SBF2: variants seen among roughly 807,000 people sequenced by gnomAD.
SBF2 encodes SET binding factor 2.
In SBF2, 112 loss-of-function variants were observed where a neutral mutation model predicts 225.2. That is an observed-to-expected ratio of 0.50 (90% CI 0.43 to 0.58). The LOEUF (loss-of-function observed/expected upper bound fraction) is 0.58. Ranked by LOEUF, SBF2 falls within the 20% of genes least tolerant of loss-of-function variation. The pLI is 0.00. For missense variants in SBF2, 1,996 were observed against 2,206.2 expected (o/e 0.90, Z 1.91); for synonymous variants, 763 against 773.3 (o/e 0.99, Z 0.22).
In SBF2 at chr11:10,202,469, C is replaced by T. The variant is rs1270332351; in HGVS notation, c.56-8482G>A. Among the ~76,000 whole-genome samples, 4 of 152,202 alleles carry T rather than the reference C, an allele frequency of 2.6e-5. No individual in the cohort carries two copies. The East Asian group carries it at 7.7e-4, about 29-fold the overall frequency. ...CTCTGATCAAAATAATTCAGTAATT[C>T]TCCCACTAGCTATATAATAAAATAG... On this transcript the variant is annotated intron_variant, in intron 1 of 39. Coordinates refer to ENST00000256190, the MANE Select transcript of SBF2 (RefSeq NM_030962.4).
At chr11:9,886,699 G>GGTTTTTTT (rs1554941772) in intron 17 of SBF2, among the ~76,000 whole-genome samples, 1 of 133,740 alleles carries the variant, frequency 7.5e-6, no homozygotes, top group Non-Finnish European at 1.6e-5. Context: ...TGATTCATGT[G>GGTTTTTTT]TTTTTTTTTT....
intron 2 of SBF2, among the ~76,000 whole-genome samples, chr11:10,180,921 T>C (rs1227557983): frequency 1.3e-5 from 2 of 152,144 alleles, no homozygotes; most frequent in Admixed American, 6.5e-5. Flanking sequence ...TAGAACACTG[T>C]GGCTGTCATA....
Position 9,992,548 on chromosome 11 carries a change from G to GA in SBF2, c.1168-6dup. The GA allele has an allele frequency of 6.2e-7, 1 of 1,606,468 alleles. No homozygotes were observed. The stretch of plus-strand genomic sequence containing the variant: ...ACGCTGCCCCAAGAATGCTGTCTGT[G>GA]AAAAAAGAAAATGTGAAATAATAAT... On this transcript the variant is annotated splice_region_variant and splice_polypyrimidine_tract_variant and intron_variant, in intron 11 of 39. Transcript: ENST00000256190.
At chr11:9,844,427 G>C (rs987083202) in intron 24 of SBF2, among the ~76,000 whole-genome samples, 2 of 152,164 alleles carry the variant, frequency 1.3e-5, no homozygotes, top group African/African-American at 4.8e-5. Flanking sequence ...ATGGTTAACA[G>C]TGAATGAAAT....
intron 2 of SBF2, among the ~76,000 whole-genome samples, chr11:10,154,126 C>A (rs956167195): frequency 6.6e-6 from 1 of 151,718 alleles, no homozygotes; most frequent in Non-Finnish European, 1.5e-5. Context: ...TTTGCTCTTA[C>A]TTTTCAAAGT....
At chr11:9,879,481 C>A (rs1859555337) in intron 17 of SBF2, among the ~76,000 whole-genome samples, 1 of 152,058 alleles carries the variant, frequency 6.6e-6, no homozygotes, top group South Asian at 2.1e-4. Flanking sequence ...ACTTCCAACC[C>A]CAAAAGTGGA....
chr11:10,048,571 T>A (rs1463906472), intron 2 of SBF2, among the ~76,000 whole-genome samples: 1 of 152,210 alleles, frequency 6.6e-6, no homozygotes, highest in Non-Finnish European at 1.5e-5. Flanking sequence ...TTGGCAGACA[T>A]GTATTTGGCA....
chr11:9,883,115 C>T (rs1198676679), intron 17 of SBF2, among the ~76,000 whole-genome samples: 1 of 152,054 alleles, frequency 6.6e-6, no homozygotes, highest in Admixed American at 6.6e-5. Flanking sequence ...GTCTGGGCGA[C>T]AGAGCGAGAC....
intron 2 of SBF2, among the ~76,000 whole-genome samples, chr11:10,086,122 A>G (rs1340682004): frequency 4.0e-5 from 6 of 151,486 alleles, no homozygotes; most frequent in Non-Finnish European, 7.4e-5. Flanking sequence ...GTTAAGTTCT[A>G]TCATCAACAG....
At chr11:10,245,312 G>C (rs902760161) in intron 1 of SBF2, among the ~76,000 whole-genome samples, 1 of 149,644 alleles carries the variant, frequency 6.7e-6, no homozygotes, top group African/African-American at 2.5e-5. Flanking sequence ...AAGAACCCGA[G>C]TCAGGAGAAT....
At position 10,029,785 on chromosome 11, in the gene SBF2, G is replaced by A; in HGVS notation, c.493C>T (p.Pro165Ser). ...TTTACCTGAGACCCTCCAGCCGCTGGGACAAGGCAGGCACAAAGGTTTGCA... is the reference window on the plus strand; with the variant it reads ...TTTACCTGAGACCCTCCAGCCGCTGAGACAAGGCAGGCACAAAGGTTTGCA... ...LIANLCACLV[P>S]AAGGSQKLFS... Residue 165 changes from proline to serine, a missense_variant, in exon 5 of 40, where the codon CCA (proline) becomes TCA (serine). Coordinates refer to ENST00000256190, the MANE Select transcript of SBF2 (RefSeq NM_030962.4). The A allele has an allele frequency of 6.2e-7, 1 of 1,612,902 alleles. No individual in the cohort carries two copies. Among genetic ancestry groups the A allele is most frequent in the South Asian group, 1.1e-5 (1 of 91,042 alleles).
intron 16 of SBF2, among the ~76,000 whole-genome samples, chr11:9,934,853 T>C (rs569571337): frequency 6.6e-6 from 1 of 152,310 alleles, no homozygotes; most frequent in South Asian, 2.1e-4. Flanking sequence ...AATATCATAC[T>C]GAATGGGCAA....
intron 2 of SBF2, among the ~76,000 whole-genome samples, chr11:10,094,482 T>C (rs1951926372): frequency 6.7e-6 from 1 of 148,486 alleles, no homozygotes; most frequent in Non-Finnish European, 1.5e-5. Context: ...GGTATGTGAC[T>C]ACATACAGTC....
chr11:10,280,707 C>A (rs1591360596), intron 1 of SBF2, among the ~76,000 whole-genome samples: 1 of 152,226 alleles, frequency 6.6e-6, no homozygotes, highest in East Asian at 1.9e-4. Context: ...AACATTCCAG[C>A]TGAAACAATC....
chr11:10,096,702 G>A (rs961413333), intron 2 of SBF2, among the ~76,000 whole-genome samples: 1 of 152,098 alleles, frequency 6.6e-6, no homozygotes, highest in African/African-American at 2.4e-5. Context: ...TTCTGATAAT[G>A]TCAAAAGGCA....
chr11:10,021,447 CA>C (rs138053889), intron 6 of SBF2, among the ~76,000 whole-genome samples: 1 of 150,340 alleles, frequency 6.7e-6, no homozygotes, highest in Non-Finnish European at 1.5e-5. Flanking sequence ...GCCAAAAAAA[CA>C]AAAAAAACAA....
chr11:9,857,884 CTTTAA>C (rs1310967115), intron 18 of SBF2, among the ~76,000 whole-genome samples: 1 of 152,082 alleles, frequency 6.6e-6, no homozygotes, highest in Non-Finnish European at 1.5e-5. Flanking sequence ...AGTTAATTAA[CTTTAA>C]TTTGACATTC....
At chr11:10,258,536 TA>T (rs962275260) in intron 1 of SBF2, among the ~76,000 whole-genome samples, 3 of 151,012 alleles carry the variant, frequency 2.0e-5, no homozygotes, top group African/African-American at 2.4e-5. Flanking sequence ...GCTTATCTAG[TA>T]AAAAAAAAAT....
chr11:10,169,286 C>T (rs1313572479), intron 2 of SBF2, among the ~76,000 whole-genome samples: 1 of 152,122 alleles, frequency 6.6e-6, no homozygotes, highest in African/African-American at 2.4e-5. Context: ...TTCTACCCAA[C>T]TATATTTTTG....
Sources: allele counts gnomAD v4.1 joint callset (sites outside exome capture counted in the v4.1 genomes callset), GRCh38; gene constraint gnomAD v4.1.1; transcripts MANE v1.5; gene names NCBI Gene and HGNC (gene_info 2026-07-23, HGNC 2026-07-21).